The following NELL1 variants were observed in gnomAD, a reference collection of about 807,000 sequenced individuals.
NELL1 encodes neural EGFL like 1.
In NELL1, 76 loss-of-function variants were observed where a neutral mutation model predicts 107.4. The observed-to-expected ratio is 0.71, with a 90% CI of 0.59 to 0.86. NELL1 has a LOEUF of 0.86. NELL1 is among the 40% of genes least tolerant of loss of function. The pLI, the probability that NELL1 is intolerant of heterozygous loss-of-function variation, is 0.00. For synonymous variants in NELL1, 353 were observed against 341.2 expected, an observed-to-expected ratio of 1.03 and a Z score of -0.38; for missense variants, 1,024 against 1,005.5, an observed-to-expected ratio of 1.02 and a Z score of -0.25.
intron 3 of NELL1, among the ~76,000 whole-genome samples, chr11:20,836,101 TAAAC>T (rs556250293): frequency 3.9e-5 from 6 of 151,942 alleles, no homozygotes; most frequent in African/African-American, 1.4e-4. Context: ...CAACAATAAG[TAAAC>T]AAACCAATTT....
At chr11:21,020,682 C>G (rs1328362688) in intron 12 of NELL1, among the ~76,000 whole-genome samples, 2 of 152,016 alleles carry the variant, frequency 1.3e-5, no homozygotes, top group Non-Finnish European at 2.9e-5. Context: ...TCTCCCTCAT[C>G]TGCAGTAGCT....
intron 14 of NELL1, among the ~76,000 whole-genome samples, chr11:21,251,625 A>G (rs936874567): frequency 1.3e-5 from 2 of 151,904 alleles, no homozygotes; most frequent in African/African-American, 2.4e-5. Context: ...ATATTTAGGG[A>G]CAAATGATCA....
intron 15 of NELL1, among the ~76,000 whole-genome samples, chr11:21,376,551 T>G (rs934318146): frequency 6.6e-6 from 1 of 152,122 alleles, no homozygotes; most frequent in Non-Finnish European, 1.5e-5. Flanking sequence ...CGGTTCCAAA[T>G]GAATTTTAGA....
At chr11:21,340,958 C>T (rs1850550703) in intron 14 of NELL1, among the ~76,000 whole-genome samples, 2 of 152,146 alleles carry the variant, frequency 1.3e-5, no homozygotes, top group Admixed American at 1.3e-4. Context: ...ATACTTCTCA[C>T]ATTCTCTTAT....
At chr11:21,421,678 G>T (rs537761753) in intron 15 of NELL1, among the ~76,000 whole-genome samples, 19 of 152,054 alleles carry the variant, frequency 1.2e-4, no homozygotes, top group African/African-American at 4.6e-4. Context: ...CTTTCACATT[G>T]TGGGAGTCCC....
At chr11:21,104,927 TG>T (rs1854912023) in intron 12 of NELL1, among the ~76,000 whole-genome samples, 3 of 152,190 alleles carry the variant, frequency 2.0e-5, no homozygotes, top group African/African-American at 4.8e-5. Context: ...GAGCACTATA[TG>T]TCTGTTCTTA....
chr11:21,393,497 A>G (rs926490056), intron 15 of NELL1, among the ~76,000 whole-genome samples: 2 of 151,936 alleles, frequency 1.3e-5, no homozygotes, highest in Admixed American at 6.6e-5. Flanking sequence ...ATTTATTTAG[A>G]TAAGAGCAAA....
rs1011928371 is a variant in NELL1 at position 20,951,478 on chromosome 11, T to C, written c.1171+4043T>C. ...GTAAGAACAGGTTCTGACTGACTTA[T>C]GGTGTTCACTGTATCAACAAACTGG... On this transcript the variant is annotated intron_variant, in intron 11 of 19. Transcript: ENST00000357134. Among the ~76,000 whole-genome samples the C allele has an allele frequency of 3.9e-5, 6 of 152,204 alleles. No homozygotes were observed. In the South Asian group the frequency reaches 8.3e-4, roughly 21 times the overall value.
At chr11:21,203,507 T>G (rs575480236) in intron 13 of NELL1, among the ~76,000 whole-genome samples, 1 of 151,648 alleles carries the variant, frequency 6.6e-6, no homozygotes, top group East Asian at 1.9e-4. Context: ...CCTATGTGTG[T>G]CTTTGCACAT....
intron 4 of NELL1, among the ~76,000 whole-genome samples, chr11:20,872,499 A>T (rs187565050): frequency 9.7e-4 from 147 of 152,166 alleles, no homozygotes; most frequent in South Asian, 5.6e-3. Context: ...TATAAGTCTG[A>T]TTTCGTGAGG....
chr11:20,744,070 T>C (rs1855949004), intron 2 of NELL1, among the ~76,000 whole-genome samples: 1 of 152,186 alleles, frequency 6.6e-6, no homozygotes, highest in South Asian at 2.1e-4. Context: ...AAATATATCT[T>C]CAATTAGATC....
chr11:21,036,273 T>C (rs1216074792), intron 12 of NELL1, among the ~76,000 whole-genome samples: 3 of 152,258 alleles, frequency 2.0e-5, no homozygotes, highest in East Asian at 3.9e-4. Flanking sequence ...TGCTCATAAA[T>C]AGAAGAATTA....
intron 14 of NELL1, among the ~76,000 whole-genome samples, chr11:21,334,098 T>C (rs921676226): frequency 6.6e-6 from 1 of 152,080 alleles, no homozygotes; most frequent in African/African-American, 2.4e-5. Flanking sequence ...CTGTGTTTGG[T>C]ACTGAGGACA....
At chr11:21,009,583 C>T (rs1379127119) in intron 12 of NELL1, among the ~76,000 whole-genome samples, 1 of 151,990 alleles carries the variant, frequency 6.6e-6, no homozygotes, top group African/African-American at 2.4e-5. Context: ...CACGACTACC[C>T]AGGGTCTGTG....
At chr11:21,209,448 C>G in intron 13 of NELL1, among the ~76,000 whole-genome samples, 1 of 151,340 alleles carries the variant, frequency 6.6e-6, no homozygotes, top group East Asian at 1.9e-4. Flanking sequence ...ATCAAAATAA[C>G]TACCATTTCT....
intron 15 of NELL1, among the ~76,000 whole-genome samples, chr11:21,476,365 T>C (rs926091318): frequency 2.0e-5 from 3 of 152,132 alleles, no homozygotes; most frequent in African/African-American, 7.2e-5. Flanking sequence ...ACTGAATGAT[T>C]TGGCACTGCT....
At chr11:20,755,559 T>TATTTTTTTTTTTTTTTTA (rs1554914196) in intron 2 of NELL1, among the ~76,000 whole-genome samples, 715 of 17,574 alleles carry the variant, frequency 0.041, 13 homozygotes, top group African/African-American at 0.072. Context: ...TGTTTTTGTT[T>TATTTTTTTTTTTTTTTTA]TTGTTTTTTT....
chr11:20,753,400 C>T (rs1856187927), intron 2 of NELL1, among the ~76,000 whole-genome samples: 1 of 150,624 alleles, frequency 6.6e-6, no homozygotes, highest in Admixed American at 6.7e-5. Context: ...TCTGCTGGAG[C>T]TAGTTCAAGA....
chr11:20,708,410 C>T (rs1855028546), intron 2 of NELL1, among the ~76,000 whole-genome samples: 1 of 152,230 alleles, frequency 6.6e-6, no homozygotes, highest in Admixed American at 6.5e-5. Flanking sequence ...AATCACCCGT[C>T]TTCTGGGTCA....
Sources: gnomAD v4.1 joint callset for allele counts (sites outside exome capture counted in the v4.1 genomes callset) on GRCh38, gnomAD v4.1.1 for gene constraint, MANE v1.5 for transcripts, NCBI Gene and HGNC (gene_info 2026-07-23, HGNC 2026-07-21) for gene names.